MGAT4C: variants seen among roughly 807,000 people sequenced by gnomAD.
MGAT4C encodes MGAT4 family member C, also known as alpha-1,3-mannosyl-glycoprotein 4-beta-N-acetylglucosaminyltransferase C.
MGAT4C carries 19 observed loss-of-function variants against 40.1 expected under a neutral mutation model. The observed-to-expected ratio is 0.47, with a 90% CI of 0.33 to 0.70. MGAT4C has a LOEUF of 0.70. MGAT4C is among the 30% of genes least tolerant of loss of function. The pLI, the probability that MGAT4C is intolerant of heterozygous loss-of-function variation, is 0.02. For missense variants in MGAT4C, 491 were observed against 563.2 expected (o/e 0.87, Z 1.30); for synonymous variants, 181 against 187.1 (o/e 0.97, Z 0.27).
intron 2 of MGAT4C, among the ~76,000 whole-genome samples, chr12:86,539,010 A>G (rs1959125948): frequency 6.6e-6 from 1 of 152,018 alleles, no homozygotes; most frequent in Non-Finnish European, 1.5e-5. Flanking sequence ...TATTTTTCAT[A>G]TATTCTAAAA....
At chr12:86,428,426 G>GT (rs1174074704) in intron 3 of MGAT4C, among the ~76,000 whole-genome samples, 1 of 152,158 alleles carries the variant, frequency 6.6e-6, no homozygotes, top group Non-Finnish European at 1.5e-5. Context: ...CTACAGGCAT[G>GT]TGCCACCATG....
At chr12:86,201,231 C>T (rs844432) in intron 1 of MGAT4C, among the ~76,000 whole-genome samples, 1 of 151,808 alleles carries the variant, frequency 6.6e-6, no homozygotes, top group Non-Finnish European at 1.5e-5. Context: ...ATGACCCATG[C>T]GAAAATATTT....
chr12:86,739,652 T>C (rs1951037158), intron 1 of MGAT4C, among the ~76,000 whole-genome samples: 1 of 151,028 alleles, frequency 6.6e-6, no homozygotes, highest in African/African-American at 2.4e-5. Flanking sequence ...ATATTATAAG[T>C]AATCTAGAGA....
At chr12:86,353,004 A>G (rs1311484118) in intron 3 of MGAT4C, among the ~76,000 whole-genome samples, 1 of 126,810 alleles carries the variant, frequency 7.9e-6, no homozygotes, top group Non-Finnish European at 1.9e-5. Flanking sequence ...GTACCCTAAA[A>G]CTTAAAGTAT....
chr12:86,654,852 G>A (rs1963802832), intron 2 of MGAT4C, among the ~76,000 whole-genome samples: 1 of 151,596 alleles, frequency 6.6e-6, no homozygotes, highest in African/African-American at 2.4e-5. Context: ...GGGATAAACA[G>A]GAAGCATCTT....
intron 1 of MGAT4C, among the ~76,000 whole-genome samples, chr12:86,244,094 T>C (rs1168496035): frequency 6.6e-6 from 1 of 152,128 alleles, no homozygotes; most frequent in Admixed American, 6.5e-5. Flanking sequence ...TGCTTATAAA[T>C]ACTAAGAACA....
chr12:86,314,496 T>A (rs1429471844), intron 4 of MGAT4C, among the ~76,000 whole-genome samples: 1 of 152,116 alleles, frequency 6.6e-6, no homozygotes, highest in African/African-American at 2.4e-5. Flanking sequence ...GGAAAAGAAG[T>A]CAAACTATCT....
chr12:86,292,178 TTGG>T (rs1176203684), intron 4 of MGAT4C, among the ~76,000 whole-genome samples: 2 of 152,082 alleles, frequency 1.3e-5, no homozygotes, highest in Admixed American at 6.6e-5. Flanking sequence ...TTCTGGATGT[TTGG>T]TGGTGGTGGT....
Position 86,473,239 on chromosome 12 carries a change from G to A in MGAT4C, c.-228-37974C>T, listed in dbSNP as rs186786254. Among the ~76,000 whole-genome samples, 15 of 152,270 alleles carry A rather than the reference G, an allele frequency of 9.9e-5. No individual in the cohort carries two copies. In the East Asian group the frequency reaches 2.7e-3, roughly 27 times the overall value. ...CCCAAAGTGCTGGGCTTACAGGCAT[G>A]AGCCACTGCACCGGGCCTGATTTCT... On this transcript the variant is annotated intron_variant, in intron 2 of 7. Transcript: ENST00000548651.
At chr12:86,738,760 T>C (rs1249144103) in intron 1 of MGAT4C, among the ~76,000 whole-genome samples, 2 of 151,236 alleles carry the variant, frequency 1.3e-5, no homozygotes, top group African/African-American at 2.4e-5. Context: ...TAAAAATAAA[T>C]TAAGTCCAAG....
At chr12:86,561,267 A>G (rs1959850504) in intron 2 of MGAT4C, among the ~76,000 whole-genome samples, 1 of 152,228 alleles carries the variant, frequency 6.6e-6, no homozygotes, top group African/African-American at 2.4e-5. Flanking sequence ...AGACCCTGTG[A>G]TCGTTAATAC....
intron 1 of MGAT4C, among the ~76,000 whole-genome samples, chr12:86,088,357 A>C (rs7304185): frequency 0.21 from 31,336 of 151,998 alleles, 4,245 homozygotes; most frequent in African/African-American, 0.38. Context: ...TGCAACAAAA[A>C]CAAAAACTGA....
chr12:86,163,632 T>C, intron 1 of MGAT4C, among the ~76,000 whole-genome samples: 1 of 152,234 alleles, frequency 6.6e-6, no homozygotes, highest in East Asian at 1.9e-4. Flanking sequence ...TAGATCAGTC[T>C]TTTAAATAAA....
chr12:86,783,789 T>C (rs1185273409), intron 1 of MGAT4C, among the ~76,000 whole-genome samples: 4 of 152,144 alleles, frequency 2.6e-5, no homozygotes, highest in African/African-American at 7.2e-5. Context: ...TCTCAAACAA[T>C]ATATAATATA....
rs1409995850 is a variant in MGAT4C, at chr12:86,453,667, T to A, written c.-228-18402A>T. On this transcript the variant is annotated intron_variant, in intron 2 of 7. Transcript: ENST00000548651. ...GTCTGGTCTTCATGTTTGCCTCTTG[T>A]TGACAGGAGGGACAAGTCTCCTCCA... 8.5e-5 allele frequency among the ~76,000 whole-genome samples: 13 copies of A among 152,134 alleles called. No homozygotes were observed. In the East Asian group the frequency reaches 2.5e-3, roughly 29 times the overall value.
chr12:86,018,212 A>G (rs757753423), intron 2 of MGAT4C, among the ~76,000 whole-genome samples: 11 of 152,136 alleles, frequency 7.2e-5, no homozygotes, highest in Non-Finnish European at 1.6e-4. Context: ...GAAAAACAAA[A>G]TTCTACCCAT....
intron 2 of MGAT4C, among the ~76,000 whole-genome samples, chr12:86,669,773 C>A (rs1163913819): frequency 1.3e-5 from 2 of 152,224 alleles, no homozygotes; most frequent in Non-Finnish European, 2.9e-5. Context: ...TAGCCCATTG[C>A]CTAGGCAGCA....
Position 86,583,557 on chromosome 12 carries a change from C to T in MGAT4C, c.-229+143652G>A, listed in dbSNP as rs117242311. On this transcript the variant is annotated intron_variant, in intron 2 of 7. Coordinates refer to the MGAT4C transcript ENST00000548651. Reference sequence around the variant, plus strand: ...TAAATACCAACATTAGCTTTCAAGCCTTGCATTTCCAAGTTTAATACTGTA... The same window carrying T: ...TAAATACCAACATTAGCTTTCAAGCTTTGCATTTCCAAGTTTAATACTGTA... Among the ~76,000 whole-genome samples, 814 of 151,242 alleles carry T rather than the reference C, an allele frequency of 5.4e-3. 4 individuals are homozygous for T. The highest frequency in any genetic ancestry group is 8.9e-3 in the Non-Finnish European group (603 of 67,388).
In MGAT4C at chr12:86,113,245, T is replaced by G. The variant is rs1480615151; in HGVS notation, c.-56-63522A>C. ...ACATGAGGATATAAATCCATAGCAG[T>G]TTTTTGAAAAAAATGTCAAGAACAA... On this transcript the variant is annotated intron_variant, in intron 1 of 4. Coordinates refer to ENST00000611864, the MANE Select transcript of MGAT4C (RefSeq NM_001351288.2). Among the ~76,000 whole-genome samples the G allele has an allele frequency of 5.9e-5, 9 of 151,738 alleles. No homozygotes were observed. The East Asian group carries it at 1.7e-3, about 29-fold the overall frequency.
Sources: allele counts gnomAD v4.1 joint callset (sites outside exome capture counted in the v4.1 genomes callset), GRCh38; gene constraint gnomAD v4.1.1; transcripts MANE v1.5; gene names NCBI Gene and HGNC (gene_info 2026-07-23, HGNC 2026-07-21).